Variants in CFAP299 observed in about 807,000 individuals in gnomAD.
The protein encoded by CFAP299 is cilia- and flagella-associated protein 299.
CFAP299 carries 21 observed loss-of-function variants against 27.0 expected under a neutral mutation model. That is an observed-to-expected ratio of 0.78 (90% confidence interval 0.55 to 1.12). The LOEUF is 1.12. Among genes scored for constraint, CFAP299 ranks in the 50% most tolerant of loss-of-function variants. The probability of loss-of-function intolerance (pLI) is 0.00; values close to 1 mark genes in which losing one functional copy is unlikely to be tolerated. For synonymous variants in CFAP299, 104 were observed against 98.1 expected (o/e 1.06, Z -0.36); for missense variants, 310 against 276.6 (o/e 1.12, Z -0.86).
chr4:80,818,845 C>T (rs1013012152), intron 3 of CFAP299, among the ~76,000 whole-genome samples: 1 of 152,076 alleles, frequency 6.6e-6, no homozygotes, highest in African/African-American at 2.4e-5. Context: ...AAACAGAATA[C>T]TTAAGCATGA....
At chr4:80,550,620 C>G (rs559898408) in intron 2 of CFAP299, among the ~76,000 whole-genome samples, 1 of 152,022 alleles carries the variant, frequency 6.6e-6, no homozygotes, top group African/African-American at 2.4e-5. Flanking sequence ...TAGAGTTTGT[C>G]ACTGATTCTT....
chr4:80,595,121 G>C (rs1470204823), intron 3 of CFAP299, among the ~76,000 whole-genome samples: 1 of 152,022 alleles, frequency 6.6e-6, no homozygotes, highest in African/African-American at 2.4e-5. Context: ...TTTTCATATG[G>C]GTAGAGGGTA....
chr4:80,715,911 T>C (rs1722452197), intron 3 of CFAP299, among the ~76,000 whole-genome samples: 1 of 152,072 alleles, frequency 6.6e-6, no homozygotes, highest in South Asian at 2.1e-4. Context: ...TCAAACCTTC[T>C]TGAATTCGCC....
At chr4:80,543,376 C>T (rs1276615051) in intron 2 of CFAP299, among the ~76,000 whole-genome samples, 7 of 152,174 alleles carry the variant, frequency 4.6e-5, no homozygotes, top group Admixed American at 4.6e-4. Context: ...GCTAAAACGT[C>T]AGACACAGAA....
intron 2 of CFAP299, among the ~76,000 whole-genome samples, chr4:80,501,717 A>G (rs951983624): frequency 1.3e-5 from 2 of 151,638 alleles, no homozygotes; most frequent in Non-Finnish European, 2.9e-5. Flanking sequence ...AAAAGTTTCT[A>G]CAGTATTCAA....
intron 3 of CFAP299, among the ~76,000 whole-genome samples, chr4:80,595,933 A>G (rs913086545): frequency 6.6e-6 from 1 of 152,218 alleles, no homozygotes; most frequent in African/African-American, 2.4e-5. Flanking sequence ...AGTGCGTGCA[A>G]TACATAGCAC....
chr4:80,860,774 G>C (rs2110158335), intron 3 of CFAP299, among the ~76,000 whole-genome samples: 1 of 152,278 alleles, frequency 6.6e-6, no homozygotes, highest in South Asian at 2.1e-4. Context: ...TGGAAGTTTT[G>C]TCTCAGAGGA....
intron 1 of CFAP299, among the ~76,000 whole-genome samples, chr4:80,352,705 A>G (rs781280734): frequency 7.8e-6 from 1 of 127,912 alleles, no homozygotes; most frequent in Non-Finnish European, 1.6e-5. Flanking sequence ...TACTGAAATC[A>G]TACAAAAGTA....
intron 2 of CFAP299, among the ~76,000 whole-genome samples, chr4:80,447,478 G>C (rs889486607): frequency 6.6e-5 from 10 of 151,192 alleles, no homozygotes; most frequent in Non-Finnish European, 1.2e-4. Flanking sequence ...TGTCACCCAG[G>C]ATGGAGTGCA....
chr4:80,427,047 G>A (rs1727562557), intron 2 of CFAP299, among the ~76,000 whole-genome samples: 1 of 152,098 alleles, frequency 6.6e-6, no homozygotes, highest in Admixed American at 6.5e-5. Flanking sequence ...TATCAAACTT[G>A]TCATCAGTAA....
intron 3 of CFAP299, among the ~76,000 whole-genome samples, chr4:80,623,629 CT>C (rs757688138): frequency 1.3e-5 from 2 of 152,148 alleles, no homozygotes; most frequent in Non-Finnish European, 2.9e-5. Flanking sequence ...TGCATTACCC[CT>C]GTCATTCCTC....
At chr4:80,849,594 A>G (rs1224906557) in intron 3 of CFAP299, among the ~76,000 whole-genome samples, 1 of 152,170 alleles carries the variant, frequency 6.6e-6, no homozygotes, top group African/African-American at 2.4e-5. Context: ...GGAAATTTTG[A>G]GGGGATTAGT....
rs1729304095 is a variant in CFAP299 at position 80,814,139 on chromosome 4, C to G, written c.334-55854C>G. Among the ~76,000 whole-genome samples, 3 of 152,018 alleles carry G rather than the reference C, an allele frequency of 2.0e-5. No individual in the cohort carries two copies. The South Asian group carries it at 6.2e-4, about 31-fold the overall frequency. ...TCCATCATTACTCTTTCCCAAAGCT[C>G]TAAGTAGAAGACTACTTCTTAAAAT... is the stretch of plus-strand genomic sequence containing the variant. On this transcript the variant is annotated intron_variant, in intron 3 of 5. Coordinates refer to ENST00000358105, the MANE Select transcript of CFAP299 (RefSeq NM_152770.3).
intron 3 of CFAP299, among the ~76,000 whole-genome samples, chr4:80,707,638 A>G (rs1041348796): frequency 3.3e-5 from 5 of 152,184 alleles, no homozygotes; most frequent in African/African-American, 1.2e-4. Context: ...GAAATGCACA[A>G]ACTCTTTATT....
chr4:80,467,081 G>A (rs1729741038), intron 2 of CFAP299, among the ~76,000 whole-genome samples: 1 of 152,138 alleles, frequency 6.6e-6, no homozygotes, highest in African/African-American at 2.4e-5. Context: ...TTTGTCTTAG[G>A]TTGTGTTTTC....
At position 80,963,601 on chromosome 4, in the gene CFAP299, AG is replaced by A. The variant is rs1738463268; in HGVS notation, c.693del (p.Lys232ArgfsTer14). Reference protein sequence around the residue: ...QAVIFDHISRRKT With the variant: ...QAVIFDHISRXKT Reference sequence around the variant, plus strand: ...TGTCATTTTTGACCACATTTCCAGAAGGAAGACTTAAGTACCAACATGTTAA... The same window carrying A: ...TGTCATTTTTGACCACATTTCCAGAAGAAGACTTAAGTACCAACATGTTAA... On this transcript the variant is annotated frameshift_variant, in exon 6 of 6. Transcript: ENST00000358105. LOFTEE classifies it high-confidence loss of function. 1.9e-6 allele frequency: 3 copies of A among 1,593,732 alleles called. No homozygotes were observed. Among genetic ancestry groups the A allele is most frequent in the South Asian group, 2.2e-5 (2 of 89,670 alleles).
chr4:80,606,480 T>A (rs1737683433), intron 3 of CFAP299, among the ~76,000 whole-genome samples: 1 of 152,012 alleles, frequency 6.6e-6, no homozygotes. Flanking sequence ...GGTTGCAGTG[T>A]GCCAAGACCC....
rs146675535 is a variant in CFAP299 at position 80,338,722 on chromosome 4, C to A, written c.111+2843C>A. Among the ~76,000 whole-genome samples, 949 of 152,298 alleles carry A rather than the reference C, an allele frequency of 6.2e-3. 2 individuals are homozygous for A. The highest frequency in any genetic ancestry group is 0.024 in the Middle Eastern group (7 of 294). On this transcript the variant is annotated intron_variant, in intron 1 of 5. Transcript: ENST00000358105. ...CACTGCTAAGAGTTTAAGTAAGAAT[C>A]TATTCTAGACTTGACCTCAGAAACC...
At chr4:80,582,340 T>C (rs1455722829) in intron 2 of CFAP299, among the ~76,000 whole-genome samples, 1 of 151,886 alleles carries the variant, frequency 6.6e-6, no homozygotes, top group Non-Finnish European at 1.5e-5. Flanking sequence ...TTTACCTCTA[T>C]GAGACCATAG....
Sources: allele counts gnomAD v4.1 joint callset (sites outside exome capture counted in the v4.1 genomes callset), GRCh38; gene constraint gnomAD v4.1.1; transcripts MANE v1.5; gene names NCBI Gene and HGNC (gene_info 2026-07-23, HGNC 2026-07-21).